KANK1: variants seen among roughly 807,000 people sequenced by gnomAD.
The protein encoded by KANK1 is KN motif and ankyrin repeat domain-containing protein 1.
KANK1 carries 109 observed loss-of-function variants against 106.2 expected under a neutral mutation model. The observed-to-expected ratio is 1.03, with a 90% confidence interval of 0.88 to 1.20. The LOEUF (loss-of-function observed/expected upper bound fraction) is 1.20. Among genes scored for constraint, KANK1 ranks in the 50% most tolerant of loss-of-function variants. The probability of loss-of-function intolerance (pLI) is 0.00; values close to 1 mark genes in which losing one functional copy is unlikely to be tolerated. For synonymous variants in KANK1, 873 were observed against 652.2 expected (o/e 1.34, Z -5.16); for missense variants, 2,399 against 1,710.7 (o/e 1.40, Z -7.10).
chr9:518,366 C>A (rs138748827), intron 1 of KANK1, among the ~76,000 whole-genome samples: 1 of 151,448 alleles, frequency 6.6e-6, no homozygotes, highest in South Asian at 2.1e-4. Context: ...TGTGTCATCC[C>A]GAGCCTCCCC....
At chr9:510,413 T>A (rs947907910) in intron 1 of KANK1, among the ~76,000 whole-genome samples, 2 of 152,232 alleles carry the variant, frequency 1.3e-5, no homozygotes, top group African/African-American at 4.8e-5. Context: ...TTCTTACACA[T>A]GACCAAGGAG....
chr9:625,202 C>G (rs896967760), intron 1 of KANK1, among the ~76,000 whole-genome samples: 12 of 152,170 alleles, frequency 7.9e-5, no homozygotes, highest in African/African-American at 2.9e-4. Context: ...GAAAAGACTG[C>G]TACTGTCACG....
chr9:719,934 T>C (rs1828865539), intron 3 of KANK1, among the ~76,000 whole-genome samples: 1 of 152,258 alleles, frequency 6.6e-6, no homozygotes, highest in Non-Finnish European at 1.5e-5. Flanking sequence ...AACATTCCTT[T>C]ATGTCAAGGA....
chr9:709,807 G>C (rs1825431197), intron 2 of KANK1, among the ~76,000 whole-genome samples: 1 of 151,978 alleles, frequency 6.6e-6, no homozygotes, highest in Admixed American at 6.6e-5. Context: ...TAGGGACGAG[G>C]TTTTACCACG....
intron 1 of KANK1, among the ~76,000 whole-genome samples, chr9:554,566 G>T (rs1350042040): frequency 6.6e-6 from 1 of 152,144 alleles, no homozygotes; most frequent in Non-Finnish European, 1.5e-5. Context: ...AAATAAAATA[G>T]AAAATATTAT....
At chr9:567,439 A>G (rs1364420365) in intron 1 of KANK1, among the ~76,000 whole-genome samples, 1 of 152,238 alleles carries the variant, frequency 6.6e-6, no homozygotes, top group African/African-American at 2.4e-5. Flanking sequence ...TTAAAGTTAA[A>G]CTATAAACTA....
At chr9:544,276 G>A (rs901408824) in intron 1 of KANK1, among the ~76,000 whole-genome samples, 10 of 152,020 alleles carry the variant, frequency 6.6e-5, no homozygotes, top group Non-Finnish European at 1.2e-4. Flanking sequence ...CCCCCACTTG[G>A]CCTCCCGAAG....
intron 2 of KANK1, among the ~76,000 whole-genome samples, chr9:688,531 G>A (rs781549535): frequency 5.3e-4 from 71 of 133,174 alleles, no homozygotes; most frequent in Admixed American, 7.4e-4. Context: ...GCTTGAACCC[G>A]AGAGGTGGAG....
At chr9:595,949 C>G (rs545177532) in intron 1 of KANK1, among the ~76,000 whole-genome samples, 4 of 151,972 alleles carry the variant, frequency 2.6e-5, no homozygotes, top group African/African-American at 7.3e-5. Flanking sequence ...GTATTTCGGA[C>G]TTTGGACTTT....
chr9:653,853 G>C (rs1563931165), intron 1 of KANK1, among the ~76,000 whole-genome samples: 1 of 152,200 alleles, frequency 6.6e-6, no homozygotes, highest in Non-Finnish European at 1.5e-5. Context: ...TGTGTTTACA[G>C]TTGCTGTTAG....
rs775244730 is a variant in KANK1 at position 732,389 on chromosome 9, C to T, written c.3017C>T (p.Thr1006Ile). Residue 1006 changes from threonine (T) to isoleucine (I), a missense_variant, in exon 6 of 12, where the codon ACT becomes ATT. By Grantham distance (89) the Thr-to-Ile change is moderately conservative (BLOSUM62 -1). Transcript: ENST00000382297. ...CAATTGCCACCTAGGTATGAAACAA[C>T]TTCAAGTGATGATTCCAGCTCAGAT... Reference protein sequence around the residue: ...FVGINGGYETTSSDDSSSDES... With the variant: ...FVGINGGYETISSDDSSSDES... 4 of 1,611,344 alleles carry T rather than the reference C, an allele frequency of 2.5e-6. No individual in the cohort carries two copies.
Position 711,352 on chromosome 9 carries a change from C to T in KANK1, c.586C>T (p.Leu196Phe), listed in dbSNP as rs749027404. The T allele has an allele frequency of 1.1e-5, 18 of 1,614,066 alleles. No homozygotes were observed. In the East Asian group the frequency reaches 4.0e-4, roughly 36 times the overall value. ...TGGAGGCATGGGCACCACAAGCTCC[C>T]TCCCTTCTTTTGTGGGTTCTGGAAA... ...SFGGMGTTSS[L>F]PSFVGSGNHN... Residue 196 changes from leucine (L) to phenylalanine (F), a missense_variant, in exon 3 of 12, where the codon CTC (leucine) becomes TTC (phenylalanine). Leu to Phe is a conservative substitution (Grantham distance 22). Transcript: ENST00000382297.
At chr9:518,335 A>C (rs1034941125) in intron 1 of KANK1, among the ~76,000 whole-genome samples, 1 of 151,542 alleles carries the variant, frequency 6.6e-6, no homozygotes, top group African/African-American at 2.4e-5. Flanking sequence ...TCTGTATTTA[A>C]GCTCCGCTCC....
chr9:519,746 G>GCC (rs2059461573), intron 1 of KANK1, among the ~76,000 whole-genome samples: 1 of 151,670 alleles, frequency 6.6e-6, no homozygotes, highest in Non-Finnish European at 1.5e-5. Flanking sequence ...CCTTTGGAAT[G>GCC]GTGAGCTGTT....
Position 601,499 on chromosome 9 carries a change from C to A in KANK1, c.-83-75391C>A, listed in dbSNP as rs186043080. Among the ~76,000 whole-genome samples the A allele has an allele frequency of 4.0e-4, 60 of 151,780 alleles. No homozygotes were observed. In the East Asian group the frequency reaches 9.7e-3, roughly 24 times the overall value. On this transcript the variant is annotated intron_variant, in intron 1 of 11. Transcript: ENST00000382297. Reference sequence around the variant, plus strand: ...CTGTCTGATGTTTCCTAGTGTTTACCTTTAAGTTATGCTTTTTTTTGTTTT... The same window carrying A: ...CTGTCTGATGTTTCCTAGTGTTTACATTTAAGTTATGCTTTTTTTTGTTTT...
intron 1 of KANK1, among the ~76,000 whole-genome samples, chr9:630,686 G>A (rs1479738405): frequency 6.6e-6 from 1 of 152,102 alleles, no homozygotes; most frequent in Non-Finnish European, 1.5e-5. Flanking sequence ...CAGATCACCT[G>A]AGGTCAGGAG....
chr9:555,319 A>G (rs867518851), intron 1 of KANK1, among the ~76,000 whole-genome samples: 1 of 152,166 alleles, frequency 6.6e-6, no homozygotes, highest in South Asian at 2.1e-4. Context: ...CAGTGGGGAC[A>G]CCTGCCTCCC....
At chr9:614,188 AGC>A (rs530440494) in intron 1 of KANK1, among the ~76,000 whole-genome samples, 61 of 152,182 alleles carry the variant, frequency 4.0e-4, no homozygotes, top group Non-Finnish European at 7.9e-4. Context: ...TTCACAAACC[AGC>A]TGTGAGATAA....
intron 1 of KANK1, among the ~76,000 whole-genome samples, chr9:671,615 C>CAAAAAAAAA (rs566979038): frequency 1.8e-5 from 1 of 55,760 alleles, no homozygotes; most frequent in African/African-American, 6.9e-5. Context: ...AACTCCGTCT[C>CAAAAAAAAA]AAAAAAAAAA....
Sources: allele counts gnomAD v4.1 joint callset (sites outside exome capture counted in the v4.1 genomes callset), GRCh38; gene constraint gnomAD v4.1.1; transcripts MANE v1.5; gene names NCBI Gene and HGNC (gene_info 2026-07-23, HGNC 2026-07-21).